RNH1: variants seen among roughly 807,000 people sequenced by gnomAD.
The protein encoded by RNH1 is ribonuclease/angiogenin inhibitor 1, also known as ribonuclease inhibitor.
In RNH1, 38 loss-of-function variants were observed where a neutral mutation model predicts 46.1. The observed-to-expected ratio is 0.82, with a 90% confidence interval of 0.64 to 1.08. RNH1 has a LOEUF of 1.08. Ranked by LOEUF, RNH1 falls within the 50% of genes least tolerant of loss-of-function variation. RNH1 has a pLI of 0.00. For synonymous variants in RNH1, 319 were observed against 279.1 expected, an observed-to-expected ratio of 1.14 and a Z score of -1.43; for missense variants, 577 against 590.7, an observed-to-expected ratio of 0.98 and a Z score of 0.24.
In RNH1 at chr11:501,984, A is replaced by G; in HGVS notation, c.101+78T>C. On this transcript the variant is annotated intron_variant, in intron 3 of 10. Coordinates refer to ENST00000354420, the MANE Select transcript of RNH1 (RefSeq NM_203387.3). This position sits in a 1 kb window ranked among gnomAD's most constrained non-coding sequence, Gnocchi z 4.1. ...GTCCACAAACAAGGCGTTCCAGAGC[A>G]ATGCACCCTTCAGAGGGAGCCGCCA... The G allele has an allele frequency of 1.1e-6, 1 of 892,212 alleles. No homozygotes were observed. The allele number at this position is 892,212 out of a possible 1,614,324, so 55.3% of individuals were successfully genotyped here.
At chr11:500,395 C>T in intron 4 of RNH1, 89 bp downstream of exon 4, 1 of 1,445,884 alleles carries the variant, frequency 6.9e-7, no homozygotes, top group South Asian at 1.3e-5. Flanking sequence ...CCTGCAGCTG[C>T]CCACGCGCCC....
intron 2 of RNH1, among the ~76,000 whole-genome samples, chr11:504,208 G>A (rs904313774): frequency 6.6e-6 from 1 of 152,160 alleles, no homozygotes; most frequent in Admixed American, 6.5e-5. Context: ...CGGGGGCGCG[G>A]GGCCACCCTC....
chr11:498,186 G>C, intron 8 of RNH1, 45 bp from the exon 9 acceptor site: 1 of 1,565,602 alleles, frequency 6.4e-7, no homozygotes, highest in African/African-American at 1.4e-5. Flanking sequence ...GCCCAGGCTG[G>C]CCCACAGCTG....
chr11:497,283 ACT>A (rs1849203493), intron 9 of RNH1, among the ~76,000 whole-genome samples: 4 of 136,994 alleles, frequency 2.9e-5, no homozygotes, highest in South Asian at 2.3e-4. Flanking sequence ...ACACACGGAC[ACT>A]CGTGCTCATT....
At chr11:495,143 G>T in intron 9 of RNH1, 90 bp from the exon 10 acceptor site, 1 of 1,345,180 alleles carries the variant, frequency 7.4e-7, no homozygotes, top group Non-Finnish European at 1.0e-6. Context: ...GGGCGCGACG[G>T]ACACCTGTGC....
chr11:496,292 G>C (rs574729564), intron 9 of RNH1, among the ~76,000 whole-genome samples: 6 of 152,100 alleles, frequency 3.9e-5, no homozygotes, highest in Admixed American at 2.6e-4. Context: ...GCAGCACTTT[G>C]GGAGGCTGAG....
chr11:496,524 C>G (rs1032470520), intron 9 of RNH1, among the ~76,000 whole-genome samples: 7 of 152,142 alleles, frequency 4.6e-5, no homozygotes, highest in Admixed American at 3.9e-4. Flanking sequence ...AAAAAATTAG[C>G]CTGGTGTGGT....
intron 8 of RNH1, 116 bp from the exon 9 acceptor site, chr11:498,257 C>A: frequency 7.6e-7 from 1 of 1,312,134 alleles, no homozygotes; most frequent in Non-Finnish European, 1.0e-6. Flanking sequence ...GACAGCCTCC[C>A]AGCAAGTGGG....
chr11:499,365 C>T, intron 5 of RNH1, 180 bp from the exon 6 acceptor site: 1 of 689,874 alleles, frequency 1.4e-6, no homozygotes, highest in Non-Finnish European at 2.5e-6. Context: ...TGGACACCGG[C>T]ATTCCTTCTG....
At chr11:498,672 T>C (rs1849398829) in intron 7 of RNH1, 45 bp from the exon 8 acceptor site, 4 of 1,605,578 alleles carry the variant, frequency 2.5e-6, no homozygotes, top group Non-Finnish European at 8.5e-7. Flanking sequence ...CACCGTCTCA[T>C]GGCCTGAGAT....
Position 502,121 on chromosome 11 carries a change from C to A in RNH1, c.42G>T (p.Glu14Asp). 2 of 1,611,938 alleles carry A rather than the reference C, an allele frequency of 1.2e-6. No individual in the cohort carries two copies. Among genetic ancestry groups the A allele is most frequent in the Non-Finnish European group, 1.7e-6 (2 of 1,179,310 alleles). ...GCTCGGCCCATCTAGCGTCGCTCAG[C>A]TCCTCACACTGGATGTCCAGGCTCT... ...DIQSLDIQCE[E>D]LSDARWAELL... The change falls in exon 3 of 11, where the codon GAG (glutamate) becomes GAT (aspartate). Residue 14 changes from glutamate to aspartate, a missense_variant. By Grantham distance (45) the Glu-to-Asp change is conservative (BLOSUM62 2). Transcript: ENST00000354420. This position sits in a 1 kb window ranked among gnomAD's most constrained non-coding sequence, Gnocchi z 5.8.
intron 4 of RNH1, 116 bp from the exon 5 acceptor site, chr11:500,115 C>T (rs968694052): frequency 1.6e-6 from 2 of 1,222,708 alleles, no homozygotes; most frequent in African/African-American, 1.5e-5. Flanking sequence ...ATACCTGCTC[C>T]TTCCCTGGAC....
At position 502,156 on chromosome 11, in the gene RNH1, G is replaced by C. The variant is rs765781697; in HGVS notation, c.7C>G (p.Leu3Val). 1 of 1,603,730 alleles carries C rather than the reference G, an allele frequency of 6.2e-7. No homozygotes were observed. Among genetic ancestry groups the C allele is most frequent in the South Asian group, 1.1e-5 (1 of 90,010 alleles). Residue 3 changes from leucine (L) to valine (V), a missense_variant, in exon 3 of 11, where the codon CTG (leucine) becomes GTG (valine). Leu to Val is a conservative substitution (Grantham distance 32). Coordinates refer to ENST00000354420, the MANE Select transcript of RNH1 (RefSeq NM_203387.3). This position sits in a 1 kb window ranked among gnomAD's most constrained non-coding sequence, Gnocchi z 5.8. Reference protein sequence around the residue: MSLDIQSLDIQCE... With the variant: MSVDIQSLDIQCE... ...TGGATGTCCAGGCTCTGGATGTCCA[G>C]GCTCATGGTGGAGGTGAAGAGTGGC...
In RNH1 at chr11:501,808, G is replaced by A; in HGVS notation, c.101+254C>T. 1.9e-6 allele frequency: 1 copy of A among 529,024 alleles called. No homozygotes were observed. Among genetic ancestry groups the A allele is most frequent in the Non-Finnish European group, 3.4e-6 (1 of 292,718 alleles). The allele number at this position is 529,024 out of a possible 1,614,324, so 32.8% of individuals were successfully genotyped here. A position where few individuals can be genotyped will look rare whatever the true frequency, so the allele number is the denominator to read the frequency against. On this transcript the variant is annotated intron_variant, in intron 3 of 10. Coordinates refer to ENST00000354420, the MANE Select transcript of RNH1 (RefSeq NM_203387.3). This position sits in a 1 kb window ranked among gnomAD's most constrained non-coding sequence, Gnocchi z 4.1. ...GAGGAGCTGAGACACCGGAGCCAGA[G>A]ACCCACTGGCCAGTGGCCGCCCACC... is the stretch of plus-strand genomic sequence containing the variant.
intron 8 of RNH1, 63 bp downstream of exon 8, chr11:498,394 G>A: frequency 6.3e-7 from 1 of 1,582,730 alleles, no homozygotes; most frequent in Non-Finnish European, 8.6e-7. Context: ...TCCTCCCCTG[G>A]TCTCCTCGGT....
At chr11:497,489 TCA>T (rs1215164777) in intron 9 of RNH1, among the ~76,000 whole-genome samples, 4 of 108,196 alleles carry the variant, frequency 3.7e-5, no homozygotes, top group South Asian at 2.8e-4. Flanking sequence ...GTGCTCACAC[TCA>T]CACGGACACT....
intron 5 of RNH1, 112 bp downstream of exon 5, chr11:499,717 C>G (rs1849561884): frequency 7.5e-7 from 1 of 1,340,734 alleles, no homozygotes; most frequent in Non-Finnish European, 1.1e-6. Flanking sequence ...CACAAGGCCC[C>G]TGTGACCTGA....
At chr11:497,209 G>C (rs1849185743) in intron 9 of RNH1, among the ~76,000 whole-genome samples, 1 of 98,026 alleles carries the variant, frequency 1.0e-5, no homozygotes. Context: ...TCACCCATGT[G>C]CTCACGTACT....
chr11:502,358 C>A lies in RNH1; in HGVS notation c.-87-109G>T. On this transcript the variant is annotated intron_variant, in intron 2 of 10. Transcript: ENST00000354420. The surrounding 1 kb of genome is among the most constrained non-coding windows in gnomAD (Gnocchi z 5.8). ...CCACCTTTGTCTCTGGAGCAGACATCAGGGGTGGGGCAGGGGGCAGGGACC... is the reference window on the plus strand; with the variant it reads ...CCACCTTTGTCTCTGGAGCAGACATAAGGGGTGGGGCAGGGGGCAGGGACC... 1.6e-6 allele frequency: 1 copy of A among 613,410 alleles called. No homozygotes were observed. Among genetic ancestry groups the A allele is most frequent in the Non-Finnish European group, 2.9e-6 (1 of 340,734 alleles). The allele number at this position is 613,410 out of a possible 1,614,324, so 38.0% of individuals were successfully genotyped here. A position where few individuals can be genotyped will look rare whatever the true frequency, so the allele number is the denominator to read the frequency against.
Sources: allele counts gnomAD v4.1 joint callset (sites outside exome capture counted in the v4.1 genomes callset), GRCh38; gene constraint gnomAD v4.1.1; non-coding constraint Gnocchi (gnomAD v3.1); transcripts MANE v1.5; gene names NCBI Gene and HGNC (gene_info 2026-07-23, HGNC 2026-07-21).